Variants in CAP2 observed in about 807,000 individuals in gnomAD.
CAP2 encodes the protein adenylyl cyclase-associated protein 2.
In CAP2, 24 loss-of-function variants were observed where a neutral mutation model predicts 57.7. That is an observed-to-expected ratio of 0.42 (90% CI 0.30 to 0.58). CAP2 has a LOEUF of 0.58. CAP2 is among the 20% of genes least tolerant of loss of function. The probability of loss-of-function intolerance (pLI) is 0.22; values close to 1 mark genes in which losing one functional copy is unlikely to be tolerated. For synonymous variants in CAP2, 194 were observed against 207.2 expected, an observed-to-expected ratio of 0.94 and a Z score of 0.55; for missense variants, 501 against 590.3, an observed-to-expected ratio of 0.85 and a Z score of 1.57.
intron 7 of CAP2, among the ~76,000 whole-genome samples, chr6:17,519,157 G>A (rs989629670): frequency 3.9e-5 from 6 of 152,128 alleles, no homozygotes; most frequent in Admixed American, 1.3e-4. Flanking sequence ...CCAAGGGCAC[G>A]TGGCTCTACA....
rs980556586 is a variant in CAP2 at position 17,474,621 on chromosome 6, C to T, written c.300+11548C>T. ...GAGAACATACTTTGGAAAATAAGGT[C>T]GGGATGATGTTATTTGAACTTCCTC... On this transcript the variant is annotated intron_variant, in intron 4 of 12. Coordinates refer to ENST00000229922, the MANE Select transcript of CAP2 (RefSeq NM_006366.3). Among the ~76,000 whole-genome samples, 20 of 152,226 alleles carry T rather than the reference C, an allele frequency of 1.3e-4. 1 individual carries two copies. Among genetic ancestry groups the T allele is most frequent in the African/African-American group, 1.7e-4 (7 of 41,524 alleles).
intron 3 of CAP2, among the ~76,000 whole-genome samples, chr6:17,440,747 TG>T (rs1205381621): frequency 6.6e-6 from 1 of 151,268 alleles, no homozygotes; most frequent in Non-Finnish European, 1.5e-5. Context: ...TGTACTCATG[TG>T]CCGTGTTGGT....
chr6:17,538,981 C>T (rs1052938865), intron 7 of CAP2, among the ~76,000 whole-genome samples: 1 of 152,210 alleles, frequency 6.6e-6, no homozygotes. Flanking sequence ...TGGACCTGGA[C>T]TTGGGAGTAT....
rs553187504 is a variant in CAP2, at chr6:17,479,816, C to T, written c.300+16743C>T. ...TTTTTTAGTAGACATGGGGTTTCAC[C>T]ATGTTAGCCAGGATGATCTCGATCT... is the stretch of plus-strand genomic sequence containing the variant. On this transcript the variant is annotated intron_variant, in intron 4 of 12. Transcript: ENST00000229922. Among the ~76,000 whole-genome samples the T allele has an allele frequency of 2.0e-5, 3 of 151,898 alleles. No homozygotes were observed. In the South Asian group the frequency reaches 6.2e-4, roughly 32 times the overall value.
chr6:17,491,002 A>G (rs969065531), intron 4 of CAP2, among the ~76,000 whole-genome samples: 5 of 152,180 alleles, frequency 3.3e-5, no homozygotes, highest in African/African-American at 1.2e-4. Context: ...AAACCACAGG[A>G]CGTGTGCTAC....
intron 1 of CAP2, among the ~76,000 whole-genome samples, chr6:17,396,774 A>G (rs1027248637): frequency 2.0e-5 from 3 of 152,204 alleles, no homozygotes; most frequent in Non-Finnish European, 4.4e-5. Context: ...ACTAAAAACC[A>G]TTGAGTTGTA....
At chr6:17,406,398 C>CTTTTTTTTTTGTTTTTTTTT (rs1758970411) in intron 1 of CAP2, among the ~76,000 whole-genome samples, 1 of 102,472 alleles carries the variant, frequency 9.8e-6, no homozygotes, top group Non-Finnish European at 1.8e-5. Context: ...GCCCAGATTT[C>CTTTTTTTTTTGTTTTTTTTT]TTTTTTTTTT....
intron 1 of CAP2, among the ~76,000 whole-genome samples, chr6:17,406,693 A>G (rs946677392): frequency 3.2e-4 from 49 of 151,950 alleles, no homozygotes; most frequent in Admixed American, 7.9e-4. Context: ...CGCCCTGCCC[A>G]GGTTTCTTTA....
In CAP2 at chr6:17,419,964, T is replaced by C. The variant is rs112743556; in HGVS notation, c.-1-1591T>C. 5.4e-3 allele frequency among the ~76,000 whole-genome samples: 820 copies of C among 152,316 alleles called. 7 individuals are homozygous for C. The highest frequency in any genetic ancestry group is 0.018 in the African/African-American group (742 of 41,566). ...TCGGCTCACTGCAACCTCTGCCTCC[T>C]GGGCTCAAGTGATTCTACTGCTTCA... On this transcript the variant is annotated intron_variant, in intron 1 of 12. Coordinates refer to ENST00000229922, the MANE Select transcript of CAP2 (RefSeq NM_006366.3).
intron 11 of CAP2, among the ~76,000 whole-genome samples, chr6:17,544,880 A>G (rs1239939129): frequency 6.6e-6 from 1 of 152,166 alleles, no homozygotes; most frequent in African/African-American, 2.4e-5. Context: ...TGATCACTAC[A>G]TTTATCCATT....
At chr6:17,448,927 A>G (rs1470278270) in intron 3 of CAP2, among the ~76,000 whole-genome samples, 1 of 152,086 alleles carries the variant, frequency 6.6e-6, no homozygotes, top group Admixed American at 6.6e-5. Flanking sequence ...ACGCCAGGCT[A>G]ATTTTTGTAT....
In CAP2 at chr6:17,513,015, G is replaced by T. The variant is rs1016211723; in HGVS notation, c.531-834G>T. On this transcript the variant is annotated intron_variant, in intron 6 of 12. Coordinates refer to ENST00000229922, the MANE Select transcript of CAP2 (RefSeq NM_006366.3). The surrounding 1 kb of genome is among the most constrained non-coding windows in gnomAD (Gnocchi z 4.3). ...TCTTAACTCAAATGTCATTATTTTT[G>T]CATTTACCTTGACTTCTATAAGTGA... 9.2e-5 allele frequency among the ~76,000 whole-genome samples: 14 copies of T among 152,024 alleles called. No homozygotes were observed. The highest frequency in any genetic ancestry group is 3.4e-4 in the African/African-American group (14 of 41,370).
chr6:17,541,178 C>A, intron 9 of CAP2, 30 bp downstream of exon 9: 1 of 1,553,206 alleles, frequency 6.4e-7, no homozygotes, highest in Non-Finnish European at 8.8e-7. Context: ...CTTTATTTTC[C>A]TGACATGCGC....
chr6:17,516,571 G>A (rs562345603), intron 7 of CAP2, among the ~76,000 whole-genome samples: 8 of 152,254 alleles, frequency 5.3e-5, no homozygotes, highest in South Asian at 2.1e-4. Flanking sequence ...GAACTTACTC[G>A]TGTAACCAAA....
chr6:17,497,814 T>A (rs1173129833), intron 4 of CAP2, among the ~76,000 whole-genome samples: 1 of 152,206 alleles, frequency 6.6e-6, no homozygotes, highest in Non-Finnish European at 1.5e-5. Flanking sequence ...CAAGTATCTA[T>A]CAGAACAACT....
rs61413697 is a variant in CAP2 at position 17,463,295 on chromosome 6, C to T, written c.300+222C>T. 9.7e-4 allele frequency among the ~76,000 whole-genome samples: 134 copies of T among 138,182 alleles called. No individual in the cohort carries two copies. The East Asian group carries it at 0.022, about 22-fold the overall frequency. 90.7% of individuals were successfully genotyped at this position (138,182 alleles called of 152,430 possible). On this transcript the variant is annotated intron_variant, in intron 4 of 12. Transcript: ENST00000229922. ...TTTTTTTTTTTAAGTATGCCATTTG[C>T]GAAAAAAAAAAGAAAGAAAAAAAGC...
At chr6:17,533,576 T>C (rs996450911) in intron 7 of CAP2, among the ~76,000 whole-genome samples, 7 of 151,412 alleles carry the variant, frequency 4.6e-5, no homozygotes, top group Admixed American at 1.3e-4. Flanking sequence ...TTCTTTCTTT[T>C]TTTTTTTTTT....
At chr6:17,490,324 C>T (rs1210102616) in intron 4 of CAP2, among the ~76,000 whole-genome samples, 1 of 152,206 alleles carries the variant, frequency 6.6e-6, no homozygotes, top group Admixed American at 6.5e-5. Flanking sequence ...CTATCTCTTT[C>T]TGCAGGATTC....
At chr6:17,502,825 A>G (rs1761861999) in intron 4 of CAP2, among the ~76,000 whole-genome samples, 1 of 152,234 alleles carries the variant, frequency 6.6e-6, no homozygotes, top group Admixed American at 6.5e-5. Context: ...ATTATGACTT[A>G]GCAAATTGTT....
Sources: allele counts gnomAD v4.1 joint callset (sites outside exome capture counted in the v4.1 genomes callset), GRCh38; gene constraint gnomAD v4.1.1; non-coding constraint Gnocchi (gnomAD v3.1); transcripts MANE v1.5; gene names NCBI Gene and HGNC (gene_info 2026-07-23, HGNC 2026-07-21).